EPHA6: variants seen among roughly 807,000 people sequenced by gnomAD.
EPHA6 encodes the protein EPH receptor A6, also known as ephrin type-A receptor 6.
In EPHA6, 50 loss-of-function variants were observed where a neutral mutation model predicts 112.0. The observed-to-expected ratio is 0.45, with a 90% CI of 0.36 to 0.56. The LOEUF (loss-of-function observed/expected upper bound fraction) is 0.56. Ranked by LOEUF, EPHA6 falls within the 20% of genes least tolerant of loss-of-function variation. The pLI is 0.00. For synonymous variants in EPHA6, 529 were observed against 490.7 expected, an observed-to-expected ratio of 1.08 and a Z score of -1.03; for missense variants, 1,280 against 1,417.4, an observed-to-expected ratio of 0.90 and a Z score of 1.56.
At chr3:97,735,794 A>T in intron 15 of EPHA6, 131 bp from the exon 16 acceptor site, 1 of 588,678 alleles carries the variant, frequency 1.7e-6, no homozygotes, top group Non-Finnish European at 2.8e-6. Flanking sequence ...ATCCTTATTT[A>T]GGTCCTTGTA....
intron 3 of EPHA6, among the ~76,000 whole-genome samples, chr3:97,116,926 T>C (rs1412970821): frequency 1.3e-5 from 2 of 151,724 alleles, no homozygotes; most frequent in Non-Finnish European, 3.0e-5. Flanking sequence ...TTTTCATAAT[T>C]ATTTATTAAT....
intron 11 of EPHA6, among the ~76,000 whole-genome samples, chr3:97,558,072 C>G (rs1466491973): frequency 6.6e-6 from 1 of 151,886 alleles, no homozygotes; most frequent in East Asian, 1.9e-4. Context: ...ATCCGGCAAT[C>G]AATATAAATA....
chr3:97,157,677 C>T (rs542096427), intron 3 of EPHA6, among the ~76,000 whole-genome samples: 25 of 152,112 alleles, frequency 1.6e-4, no homozygotes, highest in African/African-American at 3.6e-4. Context: ...GCTCAAGACC[C>T]GAGAGGAGCT....
intron 2 of EPHA6, among the ~76,000 whole-genome samples, chr3:96,967,900 G>A (rs1228662032): frequency 6.6e-6 from 1 of 151,552 alleles, no homozygotes; most frequent in African/African-American, 2.4e-5. Flanking sequence ...ATAAGATCTG[G>A]GAGTCTTTAT....
chr3:97,300,394 A>G (rs138758803), intron 5 of EPHA6, among the ~76,000 whole-genome samples: 376 of 152,298 alleles, frequency 2.5e-3, no homozygotes, highest in Admixed American at 5.4e-3. Flanking sequence ...TTTGTCAGAT[A>G]TTACTCTTGA....
chr3:97,621,513 G>A (rs1447790675), intron 13 of EPHA6, among the ~76,000 whole-genome samples: 1 of 151,834 alleles, frequency 6.6e-6, no homozygotes, highest in Non-Finnish European at 1.5e-5. Context: ...CTTGGCTAAA[G>A]TTGAACATCT....
chr3:97,012,620 T>C (rs111556293), intron 3 of EPHA6, among the ~76,000 whole-genome samples: 2,310 of 146,786 alleles, frequency 0.016, 64 homozygotes, highest in African/African-American at 0.049. Context: ...TATATATATA[T>C]ATGTATTTTT....
intron 8 of EPHA6, among the ~76,000 whole-genome samples, chr3:97,477,140 G>C (rs910317140): frequency 6.6e-6 from 1 of 152,016 alleles, no homozygotes; most frequent in African/African-American, 2.4e-5. Context: ...TCAGAGCTTT[G>C]ATATAGCTCA....
intron 2 of EPHA6, among the ~76,000 whole-genome samples, chr3:96,893,208 A>G (rs2038076680): frequency 6.6e-6 from 1 of 152,200 alleles, no homozygotes; most frequent in Admixed American, 6.5e-5. Flanking sequence ...ATTATTATGT[A>G]CAGTACATAA....
At position 97,096,802 on chromosome 3, in the gene EPHA6, T is replaced by G. The variant is rs537523069; in HGVS notation, c.1114+108809T>G. Among the ~76,000 whole-genome samples the G allele has an allele frequency of 4.6e-5, 7 of 152,022 alleles. No homozygotes were observed. The East Asian group carries it at 7.7e-4, about 17-fold the overall frequency. On this transcript the variant is annotated intron_variant, in intron 3 of 17. Coordinates refer to ENST00000389672, the MANE Select transcript of EPHA6 (RefSeq NM_001080448.3). ...CCAAAAGTTAGTGCTTAATACAATA[T>G]AAGGGCTATAGTATAATCTTTTTTT...
chr3:97,103,294 AATCT>A (rs2047459606), intron 3 of EPHA6, among the ~76,000 whole-genome samples: 2 of 152,210 alleles, frequency 1.3e-5, no homozygotes, highest in Admixed American at 1.3e-4. Flanking sequence ...TAAAGTCTTT[AATCT>A]ATCTTGAGTT....
At chr3:97,555,001 A>G (rs2093083056) in intron 11 of EPHA6, among the ~76,000 whole-genome samples, 1 of 151,726 alleles carries the variant, frequency 6.6e-6, no homozygotes, top group Admixed American at 6.6e-5. Flanking sequence ...ACATATGTAT[A>G]CATGTGCCAT....
chr3:96,943,203 A>T (rs113737595), intron 2 of EPHA6, among the ~76,000 whole-genome samples: 7 of 151,934 alleles, frequency 4.6e-5, no homozygotes, highest in Admixed American at 4.6e-4. Context: ...TTTTTTGTAT[A>T]TATATATTTT....
At chr3:96,946,609 A>G (rs1576132383) in intron 2 of EPHA6, among the ~76,000 whole-genome samples, 1 of 152,104 alleles carries the variant, frequency 6.6e-6, no homozygotes, top group East Asian at 1.9e-4. Flanking sequence ...AGTCTTTACT[A>G]TTGTGAATAG....
intron 3 of EPHA6, among the ~76,000 whole-genome samples, chr3:97,082,701 G>T (rs1481592297): frequency 6.6e-6 from 1 of 151,794 alleles, no homozygotes; most frequent in Non-Finnish European, 1.5e-5. Context: ...AAGAATCAGT[G>T]ATATGCGTGT....
At chr3:97,367,311 A>G (rs1385002503) in intron 5 of EPHA6, among the ~76,000 whole-genome samples, 1 of 152,192 alleles carries the variant, frequency 6.6e-6, no homozygotes, top group Admixed American at 6.5e-5. Context: ...TACATCAGCT[A>G]AAACCAGGTC....
At chr3:97,423,468 G>A (rs1480249086) in intron 6 of EPHA6, among the ~76,000 whole-genome samples, 2 of 152,044 alleles carry the variant, frequency 1.3e-5, no homozygotes, top group Non-Finnish European at 2.9e-5. Context: ...TCTCTACAAT[G>A]ATAAATATAA....
chr3:97,283,394 T>C (rs2080354275), intron 5 of EPHA6, among the ~76,000 whole-genome samples: 1 of 152,188 alleles, frequency 6.6e-6, no homozygotes, highest in African/African-American at 2.4e-5. Context: ...AATTTTATCT[T>C]AAAAAGTTCT....
At chr3:96,856,910 C>T (rs1168392121) in intron 1 of EPHA6, among the ~76,000 whole-genome samples, 2 of 152,108 alleles carry the variant, frequency 1.3e-5, no homozygotes, top group African/African-American at 4.8e-5. Context: ...GCCTGATTAA[C>T]AAGAACCAGT....
Sources: gnomAD v4.1 joint callset for allele counts (sites outside exome capture counted in the v4.1 genomes callset) on GRCh38, gnomAD v4.1.1 for gene constraint, MANE v1.5 for transcripts, NCBI Gene and HGNC (gene_info 2026-07-23, HGNC 2026-07-21) for gene names.